GPC3: variants seen among roughly 807,000 people sequenced by gnomAD.
GPC3 encodes glypican-3.
In GPC3, 3 loss-of-function variants were observed where a neutral mutation model predicts 34.4. The ratio of observed to expected loss-of-function variants is 0.09; its 90% CI spans 0.04 to 0.23. The LOEUF (loss-of-function observed/expected upper bound fraction) is 0.23. Among genes scored for constraint, GPC3 ranks in the 10% least tolerant of loss-of-function variants. The pLI is 1.00. For missense variants in GPC3, 351 were observed against 445.6 expected (o/e 0.79, Z 1.91); for synonymous variants, 177 against 174.0 (o/e 1.02, Z -0.13).
chrX:133,949,658 A>G (rs1285619564), intron 2 of GPC3, among the ~76,000 whole-genome samples: 2 of 112,328 alleles, frequency 1.8e-5, no homozygotes, highest in Non-Finnish European at 3.8e-5. Context: ...AACATCTAGA[A>G]AAGACCTGGA....
At chrX:133,954,402 C>A (rs1196409089) in intron 1 of GPC3, among the ~76,000 whole-genome samples, 1 of 112,070 alleles carries the variant, frequency 8.9e-6, no homozygotes, top group Non-Finnish European at 1.9e-5. Context: ...GAGACGGAGT[C>A]TCACTCTCAT....
At chrX:133,771,801 G>T (rs2071923684) in intron 2 of GPC3, among the ~76,000 whole-genome samples, 1 of 112,046 alleles carries the variant, frequency 8.9e-6, no homozygotes, top group Non-Finnish European at 1.9e-5. Flanking sequence ...AATTCTCTGG[G>T]CAGAGAGGGA....
chrX:133,596,823 C>T (rs753528259), intron 6 of GPC3, among the ~76,000 whole-genome samples: 2 of 111,775 alleles, frequency 1.8e-5, no homozygotes, highest in Non-Finnish European at 3.8e-5. Flanking sequence ...CTTGACTCTA[C>T]TTACATCATG....
chrX:133,550,140 C>A, intron 7 of GPC3, among the ~76,000 whole-genome samples: 1 of 109,909 alleles, frequency 9.1e-6, no homozygotes, highest in Non-Finnish European at 1.9e-5. Context: ...CTCAGCCTCC[C>A]AAGTAGCTGG....
intron 1 of GPC3, among the ~76,000 whole-genome samples, chrX:133,981,727 G>A (rs908704327): frequency 1.8e-5 from 2 of 112,204 alleles, no homozygotes; most frequent in African/African-American, 6.5e-5. Context: ...ACGGAGGCTA[G>A]TTCTCACAGT....
intron 3 of GPC3, among the ~76,000 whole-genome samples, chrX:133,714,761 T>A (rs775971624): frequency 8.9e-6 from 1 of 111,841 alleles, no homozygotes; most frequent in South Asian, 3.8e-4. Context: ...TAAAAGTATT[T>A]GCAGCAATCC....
chrX:133,741,453 T>C (rs958543233), intron 3 of GPC3, among the ~76,000 whole-genome samples: 2 of 111,360 alleles, frequency 1.8e-5, no homozygotes, highest in African/African-American at 6.5e-5. Flanking sequence ...GAAAGACCCT[T>C]AATAACTTCT....
intron 3 of GPC3, among the ~76,000 whole-genome samples, chrX:133,741,098 A>C (rs949367393): frequency 9.1e-6 from 1 of 109,674 alleles, no homozygotes; most frequent in Non-Finnish European, 1.9e-5. Flanking sequence ...GTCTCTCTCT[A>C]TGTCCTCCTC....
intron 1 of GPC3, among the ~76,000 whole-genome samples, chrX:133,970,869 A>T (rs978309401): frequency 8.9e-6 from 1 of 111,859 alleles, no homozygotes; most frequent in African/African-American, 3.2e-5. Context: ...AGGACAAACA[A>T]CAGAGCCCCA....
chrX:133,661,508 G>C (rs1469224482), intron 6 of GPC3, among the ~76,000 whole-genome samples: 1 of 106,072 alleles, frequency 9.4e-6, no homozygotes, highest in East Asian at 3.0e-4. Flanking sequence ...AGAAATAATA[G>C]CGTCTTTCCT....
chrX:133,772,104 G>A (rs190504416), intron 2 of GPC3, among the ~76,000 whole-genome samples: 9 of 111,034 alleles, frequency 8.1e-5, no homozygotes, highest in African/African-American at 2.9e-4. Flanking sequence ...CTCAAAGAAC[G>A]CCAGGTAGAA....
At position 133,802,346 on chromosome X, in the gene GPC3, T is replaced by TAACAACAACAAC. The variant is rs34458608; in HGVS notation, c.338-48182_338-48171dup. On this transcript the variant is annotated intron_variant, in intron 2 of 7. Transcript: ENST00000370818. ...AGCATTTTAGGAGGAGACATTATATTAACAACAACAACAACAACAACAACA... is the reference window on the plus strand; with the variant it reads ...AGCATTTTAGGAGGAGACATTATATTAACAACAACAACAACAACAACAACAACAACAACAACA... Among the ~76,000 whole-genome samples, 4 of 109,457 alleles carry TAACAACAACAAC rather than the reference T, an allele frequency of 3.7e-5. No individual in the cohort carries two copies. The East Asian group carries it at 1.1e-3, about 31-fold the overall frequency.
At chrX:133,593,354 T>TAAAAAAAAAAAAAAAAAAAAAAAAAAATA (rs1186766438) in intron 7 of GPC3, among the ~76,000 whole-genome samples, 2 of 47,711 alleles carry the variant, frequency 4.2e-5, no homozygotes, top group African/African-American at 8.7e-5. Flanking sequence ...AAAAAAAAAG[T>TAAAAAAAAAAAAAAAAAAAAAAAAAAATA]AAAAAAAAAA....
intron 2 of GPC3, among the ~76,000 whole-genome samples, chrX:133,780,257 T>A (rs1198018761): frequency 8.9e-6 from 1 of 112,117 alleles, no homozygotes; most frequent in Non-Finnish European, 1.9e-5. Flanking sequence ...CGTTTCTCTT[T>A]AATCTTAAGG....
chrX:133,546,717 C>G (rs1014725308), intron 7 of GPC3, among the ~76,000 whole-genome samples: 15 of 112,215 alleles, frequency 1.3e-4, no homozygotes, highest in Non-Finnish European at 2.4e-4. Flanking sequence ...AACCCTTGTA[C>G]ACTGTTGGTA....
chrX:133,712,848 G>A (rs1296252675), intron 3 of GPC3, among the ~76,000 whole-genome samples: 1 of 110,725 alleles, frequency 9.0e-6, no homozygotes, highest in Non-Finnish European at 1.9e-5. Context: ...TCACACCACT[G>A]CACTCCAGCC....
intron 2 of GPC3, among the ~76,000 whole-genome samples, chrX:133,777,704 G>A (rs2072001777): frequency 9.0e-6 from 1 of 111,249 alleles, no homozygotes; most frequent in African/African-American, 3.3e-5. Context: ...GAATCTCCTG[G>A]GGTGCTTGTT....
intron 2 of GPC3, among the ~76,000 whole-genome samples, chrX:133,819,563 A>G (rs2075709227): frequency 9.0e-6 from 1 of 111,204 alleles, no homozygotes; most frequent in Admixed American, 9.6e-5. Context: ...TCCTTCCAGT[A>G]CTAAGCATCT....
At chrX:133,707,367 T>A (rs752233542) in intron 3 of GPC3, among the ~76,000 whole-genome samples, 18 of 111,953 alleles carry the variant, frequency 1.6e-4, no homozygotes, top group African/African-American at 5.8e-4. Flanking sequence ...AAAAAAGTTA[T>A]TTGAAACTGT....
Sources: allele counts gnomAD v4.1 joint callset (sites outside exome capture counted in the v4.1 genomes callset), GRCh38; gene constraint gnomAD v4.1.1; transcripts MANE v1.5; gene names NCBI Gene and HGNC (gene_info 2026-07-23, HGNC 2026-07-21).